ARHGEF12: variants seen among roughly 807,000 people sequenced by gnomAD.
ARHGEF12 encodes Rho guanine nucleotide exchange factor 12.
A neutral mutation model predicts 211.2 loss-of-function variants in ARHGEF12; 66 were observed. That is an observed-to-expected ratio of 0.31 (90% confidence interval 0.26 to 0.38). ARHGEF12 has a LOEUF of 0.38. Among genes scored for constraint, ARHGEF12 ranks in the 10% least tolerant of loss-of-function variants. The pLI is 1.00. For synonymous variants in ARHGEF12, 592 were observed against 638.4 expected (o/e 0.93, Z 1.09); for missense variants, 1,429 against 1,869.5 (o/e 0.76, Z 4.34).
intron 1 of ARHGEF12, among the ~76,000 whole-genome samples, chr11:120,359,015 G>A (rs1943206605): frequency 6.6e-6 from 1 of 152,104 alleles, no homozygotes; most frequent in African/African-American, 2.4e-5. Context: ...TCTGTTGGTA[G>A]GTGGACTTCT....
chr11:120,337,585 T>G, intron 1 of ARHGEF12: 1 of 985,350 alleles, frequency 1.0e-6, no homozygotes, highest in Non-Finnish European at 1.2e-6. Context: ...GAGGAGAAGG[T>G]CATTTTAGGT....
intron 1 of ARHGEF12, among the ~76,000 whole-genome samples, chr11:120,346,974 A>G (rs1591481722): frequency 6.6e-6 from 1 of 152,302 alleles, no homozygotes; most frequent in South Asian, 2.1e-4. Context: ...AGGTAATAGT[A>G]CTATATAGAC....
intron 21 of ARHGEF12, chr11:120,449,857 TCTCTC>T (rs750068978): frequency 8.6e-5 from 13 of 151,852 alleles, no homozygotes; most frequent in Non-Finnish European, 1.5e-4. Context: ...TGTGTATAGA[TCTCTC>T]CACCACACTG....
At chr11:120,463,544 A>C (rs917368821) in intron 27 of ARHGEF12, 2 of 152,200 alleles carry the variant, frequency 1.3e-5, no homozygotes, top group Non-Finnish European at 2.9e-5. Flanking sequence ...AAAAAAAAAA[A>C]AACCAAAAAA....
intron 11 of ARHGEF12, among the ~76,000 whole-genome samples, chr11:120,435,180 T>C (rs141768335): frequency 4.5e-4 from 69 of 152,250 alleles, no homozygotes; most frequent in African/African-American, 1.6e-3. Flanking sequence ...TATAATAGTT[T>C]CCTTCTTTTT....
intron 24 of ARHGEF12, 97 bp from the exon 25 acceptor site, chr11:120,457,983 G>A (rs746214049): frequency 1.0e-5 from 14 of 1,372,692 alleles, no homozygotes; most frequent in African/African-American, 3.0e-5. Context: ...GTCAGATTCA[G>A]GAATCTGATT....
intron 22 of ARHGEF12, among the ~76,000 whole-genome samples, chr11:120,455,766 TAGGC>T (rs1184552255): frequency 6.6e-6 from 1 of 152,228 alleles, no homozygotes; most frequent in Non-Finnish European, 1.5e-5. Context: ...ATGGGGATTT[TAGGC>T]AGTGGATAGT....
chr11:120,347,498 A>T (rs1378504133), intron 1 of ARHGEF12, among the ~76,000 whole-genome samples: 1 of 152,100 alleles, frequency 6.6e-6, no homozygotes, highest in Non-Finnish European at 1.5e-5. Context: ...AGAATCATTT[A>T]TAAAAATCCT....
Position 120,445,501 on chromosome 11 carries a change from C to G in ARHGEF12, c.1345+37C>G, listed in dbSNP as rs771783082. The G allele has an allele frequency of 1.9e-6, 3 of 1,596,584 alleles. No individual in the cohort carries two copies. The East Asian group carries it at 6.7e-5, about 36-fold the overall frequency. ...GCACTAACATCCTGGAGAATTACAT[C>G]TTAATAGATATGTAGCTCAGCTCAT... On this transcript the variant is annotated intron_variant, in intron 16 of 40. Coordinates refer to ENST00000397843, the MANE Select transcript of ARHGEF12 (RefSeq NM_015313.3).
rs1286883054 is a variant in ARHGEF12 at position 120,372,435 on chromosome 11, C to A, written c.33-33683C>A. On this transcript the variant is annotated intron_variant, in intron 1 of 40. Coordinates refer to ENST00000397843, the MANE Select transcript of ARHGEF12 (RefSeq NM_015313.3). ...TTGTAGTTATTTGTGCTTCACTATA[C>A]CCTGTCATATACTGGCCCAGTACAA... Among the ~76,000 whole-genome samples the A allele has an allele frequency of 2.0e-5, 3 of 152,048 alleles. No homozygotes were observed. The East Asian group carries it at 5.8e-4, about 29-fold the overall frequency.
At chr11:120,426,390 C>A (rs572161329) in intron 7 of ARHGEF12, among the ~76,000 whole-genome samples, 2 of 152,224 alleles carry the variant, frequency 1.3e-5, no homozygotes, top group Non-Finnish European at 1.5e-5. Flanking sequence ...AGCATAAAAA[C>A]CTCTGCATAT....
At chr11:120,422,778 G>T (rs1449201928) in intron 6 of ARHGEF12, among the ~76,000 whole-genome samples, 1 of 152,086 alleles carries the variant, frequency 6.6e-6, no homozygotes, top group Non-Finnish European at 1.5e-5. Flanking sequence ...ATAAAAACAT[G>T]TTATATGTAT....
At chr11:120,385,214 C>G in intron 1 of ARHGEF12, 1 of 719,028 alleles carries the variant, frequency 1.4e-6, no homozygotes, top group Non-Finnish European at 1.7e-6. Context: ...ATGCTGTTCT[C>G]TGTCTTTCCA....
intron 27 of ARHGEF12, chr11:120,465,021 A>AT: frequency 7.5e-6 from 4 of 536,874 alleles, no homozygotes; most frequent in Non-Finnish European, 1.3e-5. Context: ...AGAAAAAAAA[A>AT]AGAAGAAGAA....
At chr11:120,400,644 T>A (rs1944527102) in intron 1 of ARHGEF12, among the ~76,000 whole-genome samples, 1 of 152,236 alleles carries the variant, frequency 6.6e-6, no homozygotes, top group Non-Finnish European at 1.5e-5. Flanking sequence ...AAGTCTCTAA[T>A]AAGCTGTCAC....
chr11:120,437,952 C>A (rs1175789711), intron 12 of ARHGEF12, among the ~76,000 whole-genome samples: 2 of 152,192 alleles, frequency 1.3e-5, no homozygotes, highest in African/African-American at 4.8e-5. Context: ...TGTATATACA[C>A]CACATTTTGT....
Position 120,431,777 on chromosome 11 carries a change from G to A in ARHGEF12, c.790G>A (p.Ala264Thr). ...SKATGSAQDG[A>T]VVTPSRPLGD... is the part of the protein sequence containing the mutation. ...TTTCTTTCATCTGTTTTAGGATGGA[G>A]CTGTAGTTACACCCTCCAGACCTTT... The change falls in exon 11 of 41, where the codon GCT (alanine) becomes ACT (threonine). Residue 264 changes from alanine to threonine, a missense_variant. Transcript: ENST00000397843. 1 of 1,597,808 alleles carries A rather than the reference G, an allele frequency of 6.3e-7. No individual in the cohort carries two copies. Among genetic ancestry groups the A allele is most frequent in the South Asian group, 1.1e-5 (1 of 87,274 alleles).
At chr11:120,340,331 A>G (rs1942494206) in intron 1 of ARHGEF12, among the ~76,000 whole-genome samples, 1 of 152,236 alleles carries the variant, frequency 6.6e-6, no homozygotes, top group African/African-American at 2.4e-5. Flanking sequence ...TTTCAGGGAC[A>G]GTACAGGTAG....
chr11:120,465,445 A>G (rs1263392132), intron 28 of ARHGEF12, 83 bp downstream of exon 28: 18 of 1,551,156 alleles, frequency 1.2e-5, no homozygotes, highest in Non-Finnish European at 1.4e-5. Flanking sequence ...TCTGACTAAG[A>G]CTTTTACAAA....
Sources: gnomAD v4.1 joint callset for allele counts (sites outside exome capture counted in the v4.1 genomes callset) on GRCh38, gnomAD v4.1.1 for gene constraint, MANE v1.5 for transcripts, NCBI Gene and HGNC (gene_info 2026-07-23, HGNC 2026-07-21) for gene names.